DRC1: variants seen among roughly 807,000 people sequenced by gnomAD.
DRC1 encodes the protein dynein regulatory complex protein 1.
A neutral mutation model predicts 98.7 loss-of-function variants in DRC1; 74 were observed. The ratio of observed to expected loss-of-function variants is 0.75; its 90% CI spans 0.62 to 0.91. The LOEUF is 0.91. DRC1 is among the 40% of genes least tolerant of loss of function. The pLI, the probability that DRC1 is intolerant of heterozygous loss-of-function variation, is 0.00. For missense variants in DRC1, 875 were observed against 886.0 expected (o/e 0.99, Z 0.16); for synonymous variants, 336 against 334.1 (o/e 1.01, Z -0.06).
chr2:26,447,815 C>A (rs1343076187), intron 10 of DRC1, among the ~76,000 whole-genome samples: 2 of 151,700 alleles, frequency 1.3e-5, no homozygotes, highest in Admixed American at 1.3e-4. Flanking sequence ...GATCCACCTG[C>A]CTCAGCCTCC....
chr2:26,404,153 G>A (rs1166592170), intron 1 of DRC1, among the ~76,000 whole-genome samples: 1 of 152,134 alleles, frequency 6.6e-6, no homozygotes, highest in African/African-American at 2.4e-5. Flanking sequence ...ACAAAAACAG[G>A]TGGTGGACTG....
At position 26,448,816 on chromosome 2, in the gene DRC1, G is replaced by A. The variant is rs748076627; in HGVS notation, c.1509+13G>A. The A allele has an allele frequency of 1.6e-5, 25 of 1,612,790 alleles. No homozygotes were observed. The highest frequency in any genetic ancestry group is 4.5e-5 in the East Asian group (2 of 44,888). On this transcript the variant is annotated intron_variant, in intron 11 of 16. Transcript: ENST00000288710. ...GTGTGACGAGTCGGTGAGGCCAGGC[G>A]GGGGCTGCAGCAGAGGGACTCACGG...
At chr2:26,428,972 G>C (rs532652863) in intron 4 of DRC1, among the ~76,000 whole-genome samples, 1 of 152,066 alleles carries the variant, frequency 6.6e-6, no homozygotes, top group African/African-American at 2.4e-5. Context: ...ATATGTTCTC[G>C]TGTTGGAACC....
At chr2:26,402,518 C>T (rs1208570822) in intron 1 of DRC1, among the ~76,000 whole-genome samples, 1 of 152,222 alleles carries the variant, frequency 6.6e-6, no homozygotes, top group East Asian at 1.9e-4. Context: ...TGGCTGCTTA[C>T]ACTGTGGCCT....
intron 8 of DRC1, 93 bp from the exon 9 acceptor site, chr2:26,444,129 T>G (rs1407947709): frequency 3.8e-6 from 6 of 1,561,860 alleles, no homozygotes; most frequent in Non-Finnish European, 5.2e-6. Flanking sequence ...GATCTGCTCC[T>G]GGGTTTGTGG....
At chr2:26,425,601 A>G (rs1663262046) in intron 4 of DRC1, among the ~76,000 whole-genome samples, 1 of 151,924 alleles carries the variant, frequency 6.6e-6, no homozygotes, top group Non-Finnish European at 1.5e-5. Context: ...TGTTTTTTTG[A>G]TAGCTTCCGT....
chr2:26,456,119 G>T (rs927284928), intron 16 of DRC1, among the ~76,000 whole-genome samples: 10 of 152,210 alleles, frequency 6.6e-5, no homozygotes, highest in Non-Finnish European at 1.2e-4. Context: ...CGCTTCCACA[G>T]ATGCTACTGT....
chr2:26,456,143 GGGGA>G (rs1234581917), intron 16 of DRC1, among the ~76,000 whole-genome samples: 1 of 152,234 alleles, frequency 6.6e-6, no homozygotes, highest in Non-Finnish European at 1.5e-5. Flanking sequence ...CAAGAGGCTG[GGGGA>G]GGAAGAGGTG....
At chr2:26,450,506 C>A in intron 12 of DRC1, 86 bp from the exon 13 acceptor site, 1 of 1,252,638 alleles carries the variant, frequency 8.0e-7, no homozygotes, top group Non-Finnish European at 1.1e-6. Flanking sequence ...AAGCCTCCCG[C>A]TCTTAGGAGC....
At chr2:26,445,147 A>C (rs1282652327) in intron 10 of DRC1, among the ~76,000 whole-genome samples, 199 bp downstream of exon 10, 1 of 152,244 alleles carries the variant, frequency 6.6e-6, no homozygotes, top group East Asian at 1.9e-4. Context: ...AAGCTTGATC[A>C]GATGCAGGTC....
At chr2:26,428,023 T>C (rs10167654) in intron 4 of DRC1, among the ~76,000 whole-genome samples, 3,871 of 152,298 alleles carry the variant, frequency 0.025, 140 homozygotes, top group African/African-American at 0.08. Context: ...TTGTGAATAG[T>C]GTGATTTTTG....
In DRC1 at chr2:26,415,439, A is replaced by T. The variant is rs1230706248; in HGVS notation, c.243+1008A>T. 3.9e-5 allele frequency among the ~76,000 whole-genome samples: 6 copies of T among 152,316 alleles called. No homozygotes were observed. The South Asian group carries it at 1.0e-3, about 26-fold the overall frequency. On this transcript the variant is annotated intron_variant, in intron 2 of 16. Transcript: ENST00000288710. ...AGGAGAGATCATTTCTGGTGAGAAA[A>T]AATATTCACGTTGCTGAATATGATT...
Position 26,444,955 on chromosome 2 carries a change from A to G in DRC1, c.1396+7A>G, listed in dbSNP as rs1283161468. 3.1e-6 allele frequency: 5 copies of G among 1,613,634 alleles called. No individual in the cohort carries two copies. The highest frequency in any genetic ancestry group is 4.2e-6 in the Non-Finnish European group (5 of 1,179,828). The stretch of plus-strand genomic sequence containing the variant: ...GAAATGCTTATGCGCTCAGGTGACT[A>G]GAACACTGTCATAGAGCCTTAGAGC... On this transcript the variant is annotated splice_region_variant and intron_variant, in intron 10 of 16. Transcript: ENST00000288710.
rs113262117 is a variant in DRC1 at position 26,446,862 on chromosome 2, C to T, written c.1397-1829C>T. Among the ~76,000 whole-genome samples, 4 of 150,606 alleles carry T rather than the reference C, an allele frequency of 2.7e-5. No homozygotes were observed. In the South Asian group the frequency reaches 6.3e-4, roughly 24 times the overall value. Reference sequence around the variant, plus strand: ...ATCCCAGCACTTTGGGAGGCCAAGGCGCGCAGATCACCTGAGGTCAGGAAT... The same window carrying T: ...ATCCCAGCACTTTGGGAGGCCAAGGTGCGCAGATCACCTGAGGTCAGGAAT... On this transcript the variant is annotated intron_variant, in intron 10 of 16. Transcript: ENST00000288710.
intron 13 of DRC1, among the ~76,000 whole-genome samples, chr2:26,452,562 ACAG>A (rs1248358947): frequency 6.6e-6 from 1 of 152,228 alleles, no homozygotes; most frequent in African/African-American, 2.4e-5. Context: ...ATATCTCATT[ACAG>A]TTGAAATGGT....
At chr2:26,430,594 CA>C in intron 5 of DRC1, 191 bp from the exon 6 acceptor site, 1 of 701,220 alleles carries the variant, frequency 1.4e-6, no homozygotes, top group Non-Finnish European at 2.7e-6. Flanking sequence ...GTATCGTCTT[CA>C]TAATGCTAAT....
At chr2:26,451,874 A>T (rs904224103) in intron 13 of DRC1, among the ~76,000 whole-genome samples, 4 of 152,222 alleles carry the variant, frequency 2.6e-5, no homozygotes, top group African/African-American at 9.6e-5. Flanking sequence ...TTCAACTCAT[A>T]TCATAGTTAA....
At chr2:26,423,712 C>A (rs902183771) in intron 3 of DRC1, among the ~76,000 whole-genome samples, 1 of 152,208 alleles carries the variant, frequency 6.6e-6, no homozygotes, top group Non-Finnish European at 1.5e-5. Context: ...AATTTAAGCA[C>A]CATGTGTTAA....
rs1196051276 is a variant in DRC1, at chr2:26,421,851, C to T, written c.356+451C>T. 2.6e-5 allele frequency among the ~76,000 whole-genome samples: 4 copies of T among 152,184 alleles called. No individual in the cohort carries two copies. The East Asian group carries it at 5.8e-4, about 22-fold the overall frequency. On this transcript the variant is annotated intron_variant, in intron 3 of 16. Coordinates refer to ENST00000288710, the MANE Select transcript of DRC1 (RefSeq NM_145038.5). Reference sequence around the variant, plus strand: ...TTGGAATTACAGGCGTGAGCCACCGCGCCCGGCTATCTCATCTCTTTTCTT... The same window carrying T: ...TTGGAATTACAGGCGTGAGCCACCGTGCCCGGCTATCTCATCTCTTTTCTT...
Sources: gnomAD v4.1 joint callset for allele counts (sites outside exome capture counted in the v4.1 genomes callset) on GRCh38, gnomAD v4.1.1 for gene constraint, MANE v1.5 for transcripts, NCBI Gene and HGNC (gene_info 2026-07-23, HGNC 2026-07-21) for gene names.